Variants in APPL2 observed in about 807,000 individuals in gnomAD.
APPL2 encodes DCC-interacting protein 13-beta.
APPL2 carries 84 observed loss-of-function variants against 92.7 expected under a neutral mutation model. The ratio of observed to expected loss-of-function variants is 0.91; its 90% CI spans 0.76 to 1.09. The LOEUF is 1.09. Among genes scored for constraint, APPL2 ranks in the 50% least tolerant of loss-of-function variants. The pLI is 0.00. For missense variants in APPL2, 736 were observed against 824.5 expected (o/e 0.89, Z 1.31); for synonymous variants, 291 against 291.0 (o/e 1.00, Z 0.00).
At chr12:105,214,271 C>A (rs1272812522) in intron 4 of APPL2, among the ~76,000 whole-genome samples, 1 of 152,246 alleles carries the variant, frequency 6.6e-6, no homozygotes, top group Non-Finnish European at 1.5e-5. Context: ...CTGCCCATGA[C>A]AACGTGGTTG....
In APPL2 at chr12:105,188,428, C is replaced by T. The variant is rs913233986; in HGVS notation, c.1479G>A (p.Met493Ile). The change falls in exon 17 of 21, where the codon ATG becomes ATA. Residue 493 changes from methionine to isoleucine, a missense_variant. Transcript: ENST00000258530. ...PEAEDSLLQQ[M>I]FIVRFLGSMA... The stretch of plus-strand genomic sequence containing the variant: ...TTGATCCCAAAAACCGAACTATAAA[C>T]ATCTGCTGCAAAAGAGAATCTGGAA... 1.2e-6 allele frequency: 2 copies of T among 1,614,132 alleles called. No individual in the cohort carries two copies. The highest frequency in any genetic ancestry group is 1.6e-4 in the Middle Eastern group (1 of 6,062).
chr12:105,229,088 C>T (rs1890729918), intron 2 of APPL2, 37 bp downstream of exon 2: 1 of 1,548,876 alleles, frequency 6.5e-7, no homozygotes, highest in African/African-American at 1.4e-5. Context: ...GAGAGAATGC[C>T]CACTCTGCGG....
intron 1 of APPL2, among the ~76,000 whole-genome samples, chr12:105,230,124 G>A (rs1367719258): frequency 6.6e-6 from 1 of 151,904 alleles, no homozygotes; most frequent in South Asian, 2.1e-4. Context: ...TCAAACTCAC[G>A]GCCAAGAAAT....
At chr12:105,185,196 C>T (rs758318156) in intron 17 of APPL2, among the ~76,000 whole-genome samples, 10 of 152,148 alleles carry the variant, frequency 6.6e-5, no homozygotes, top group Non-Finnish European at 1.3e-4. Flanking sequence ...TGTTGGGCTC[C>T]GTGGTGATGG....
chr12:105,195,567 G>A lies in APPL2; in HGVS notation c.1095+18C>T, dbSNP rs1252727459. On this transcript the variant is annotated intron_variant, in intron 12 of 20. Coordinates refer to ENST00000258530, the MANE Select transcript of APPL2 (RefSeq NM_018171.5). ...ACCCACCACGTTAGGAAAGAAATAT[G>A]ACAAACAAAATTTTTACCTCTTCAT... 1.9e-6 allele frequency: 3 copies of A among 1,614,060 alleles called. No individual in the cohort carries two copies. Among genetic ancestry groups the A allele is most frequent in the Non-Finnish European group, 2.5e-6 (3 of 1,180,028 alleles).
chr12:105,232,826 A>G (rs1700547099), intron 1 of APPL2, among the ~76,000 whole-genome samples: 1 of 152,112 alleles, frequency 6.6e-6, no homozygotes, highest in African/African-American at 2.4e-5. Context: ...TTATAAACAA[A>G]AAGAGGAACA....
chr12:105,225,585 T>A (rs1890433368), intron 2 of APPL2, among the ~76,000 whole-genome samples: 1 of 152,246 alleles, frequency 6.6e-6, no homozygotes, highest in African/African-American at 2.4e-5. Context: ...GCCAATAGTT[T>A]GAAAAATAGA....
intron 1 of APPL2, among the ~76,000 whole-genome samples, 178 bp downstream of exon 1, chr12:105,235,781 G>A (rs1009330745): frequency 6.6e-6 from 1 of 152,042 alleles, no homozygotes; most frequent in African/African-American, 2.4e-5. Context: ...CCCGGCTCAG[G>A]ACTCAGGGCC....
rs1887023241 is a variant in APPL2, at chr12:105,189,664, T to C, written c.1459+108A>G. On this transcript the variant is annotated intron_variant, in intron 16 of 20. Coordinates refer to ENST00000258530, the MANE Select transcript of APPL2 (RefSeq NM_018171.5). Reference sequence around the variant, plus strand: ...AAACTTTCAGAACAACAAATCTTAATTCATACTCCTAATCATAGCTCTCTA... The same window carrying C: ...AAACTTTCAGAACAACAAATCTTAACTCATACTCCTAATCATAGCTCTCTA... The C allele has an allele frequency of 2.4e-6, 3 of 1,248,382 alleles. No individual in the cohort carries two copies. The South Asian group carries it at 3.8e-5, about 16-fold the overall frequency. The allele number at this position is 1,248,382 out of a possible 1,614,324, so 77.3% of individuals were successfully genotyped here. A position where few individuals can be genotyped will look rare whatever the true frequency, so the allele number is the denominator to read the frequency against.
intron 2 of APPL2, among the ~76,000 whole-genome samples, chr12:105,227,847 G>A (rs1484220084): frequency 2.6e-5 from 4 of 152,170 alleles, no homozygotes; most frequent in African/African-American, 4.8e-5. Flanking sequence ...AGAGTTGTTA[G>A]GGGAATTTAA....
intron 1 of APPL2, among the ~76,000 whole-genome samples, chr12:105,235,603 T>C (rs961881060): frequency 1.3e-5 from 2 of 152,198 alleles, no homozygotes; most frequent in African/African-American, 4.8e-5. Flanking sequence ...TATTCCTATT[T>C]TACAGACGAC....
At chr12:105,176,246 C>T in intron 19 of APPL2, 164 bp from the exon 20 acceptor site, 4 of 612,668 alleles carry the variant, frequency 6.5e-6, no homozygotes, top group Middle Eastern at 2.5e-4. Flanking sequence ...GGGGCATTTG[C>T]GTCCAACTGT....
chr12:105,207,931 A>G (rs760976626), intron 7 of APPL2, 40 bp downstream of exon 7: 23 of 1,572,806 alleles, frequency 1.5e-5, no homozygotes, highest in Non-Finnish European at 2.0e-5. Context: ...AAAGGCCTTT[A>G]TGTAAATGAA....
intron 11 of APPL2, among the ~76,000 whole-genome samples, chr12:105,195,860 G>A (rs1276290296): frequency 6.6e-6 from 1 of 152,068 alleles, no homozygotes; most frequent in African/African-American, 2.4e-5. Context: ...TTCGAGACCA[G>A]CCTGGGCAAC....
chr12:105,174,345 T>C lies in APPL2; in HGVS notation c.1964A>G (p.Asn655Ser). The C allele has an allele frequency of 5.0e-6, 8 of 1,614,026 alleles. No individual in the cohort carries two copies. The highest frequency in any genetic ancestry group is 1.6e-4 in the Middle Eastern group (1 of 6,062). Residue 655 changes from asparagine to serine, a missense_variant, in exon 21 of 21, where the codon AAC (asparagine) becomes AGC (serine). By Grantham distance (46) the Asn-to-Ser change is conservative. Coordinates refer to ENST00000258530, the MANE Select transcript of APPL2 (RefSeq NM_018171.5). ...DQPDDDDGNP[N>S]EHRGAESEA is the part of the protein sequence containing the mutation. Reference sequence around the variant, plus strand: ...TTCGGATTCTGCGCCTCTATGTTCGTTTGGATTTCCATCATCGTCATCTGG... The same window carrying C: ...TTCGGATTCTGCGCCTCTATGTTCGCTTGGATTTCCATCATCGTCATCTGG...
chr12:105,204,755 CATG>C (rs1888554715), intron 8 of APPL2, among the ~76,000 whole-genome samples: 1 of 152,178 alleles, frequency 6.6e-6, no homozygotes, highest in South Asian at 2.1e-4. Flanking sequence ...ACTCCTAGGC[CATG>C]TCTTAGCTCC....
chr12:105,206,465 G>A (rs1010130256), intron 8 of APPL2, among the ~76,000 whole-genome samples: 1 of 152,140 alleles, frequency 6.6e-6, no homozygotes, highest in Admixed American at 6.5e-5. Context: ...ACTCGTCTCC[G>A]CCGCACTGGT....
At chr12:105,205,354 A>T (rs1232417574) in intron 8 of APPL2, among the ~76,000 whole-genome samples, 1 of 152,226 alleles carries the variant, frequency 6.6e-6, no homozygotes, top group African/African-American at 2.4e-5. Context: ...CTCAGCTCTC[A>T]ACAATGATGC....
intron 14 of APPL2, among the ~76,000 whole-genome samples, chr12:105,193,235 C>T (rs553206230): frequency 6.6e-6 from 1 of 152,164 alleles, no homozygotes; most frequent in African/African-American, 2.4e-5. Context: ...TAAATATAGG[C>T]TGCAAATTGT....
Sources: allele counts gnomAD v4.1 joint callset (sites outside exome capture counted in the v4.1 genomes callset), GRCh38; gene constraint gnomAD v4.1.1; transcripts MANE v1.5; gene names NCBI Gene and HGNC (gene_info 2026-07-23, HGNC 2026-07-21).